PRKAR1B: variants seen among roughly 807,000 people sequenced by gnomAD.
PRKAR1B encodes the protein cAMP-dependent protein kinase type I-beta regulatory subunit.
A neutral mutation model predicts 46.5 loss-of-function variants in PRKAR1B; 22 were observed. The observed-to-expected ratio is 0.47, with a 90% CI of 0.34 to 0.68. The LOEUF (loss-of-function observed/expected upper bound fraction) is 0.68, where lower values mean the gene tolerates loss of function less well. PRKAR1B is among the 30% of genes least tolerant of loss of function. The probability of loss-of-function intolerance (pLI) is 0.01; values close to 1 mark genes in which losing one functional copy is unlikely to be tolerated. For missense variants in PRKAR1B, 445 were observed against 535.6 expected (o/e 0.83, Z 1.67); for synonymous variants, 259 against 217.7 (o/e 1.19, Z -1.67).
At chr7:693,416 C>T (rs1316455506) in intron 2 of PRKAR1B, among the ~76,000 whole-genome samples, 1 of 152,090 alleles carries the variant, frequency 6.6e-6, no homozygotes, top group African/African-American at 2.4e-5. Context: ...CCCCGACACC[C>T]GCCCCAGCCC....
At chr7:649,971 C>G (rs1433362220) in intron 4 of PRKAR1B, among the ~76,000 whole-genome samples, 3 of 150,856 alleles carry the variant, frequency 2.0e-5, no homozygotes, top group Non-Finnish European at 2.9e-5. Context: ...AGCCACCAGG[C>G]CCAGCTAATT....
rs375680338 is a variant in PRKAR1B, at chr7:552,359, C to G, written c.892-889G>C. 4.9e-3 allele frequency among the ~76,000 whole-genome samples: 545 copies of G among 111,552 alleles called. 4 individuals carry two copies. Among genetic ancestry groups the G allele is most frequent in the East Asian group, 7.1e-3 (23 of 3,234 alleles). 73.2% of individuals were successfully genotyped at this position (111,552 alleles called of 152,430 possible). On this transcript the variant is annotated intron_variant, in intron 9 of 10. Coordinates refer to ENST00000537384, the MANE Select transcript of PRKAR1B (RefSeq NM_001164760.2). ...GCCACTGCCACCACCACGTCACCAC[C>G]CAAACCCCCACCTCCCGCCCGGGTC...
intron 9 of PRKAR1B, among the ~76,000 whole-genome samples, chr7:562,867 G>C (rs1778889458): frequency 6.6e-6 from 1 of 152,198 alleles, no homozygotes; most frequent in Non-Finnish European, 1.5e-5. Flanking sequence ...CCCCAGCTGA[G>C]ATGCCCAGAC....
At chr7:676,666 CT>C (rs1031595116) in intron 4 of PRKAR1B, among the ~76,000 whole-genome samples, 16 of 152,256 alleles carry the variant, frequency 1.1e-4, no homozygotes, top group African/African-American at 3.9e-4. Context: ...GAAGCCACCC[CT>C]GCGTGGTGAG....
At chr7:689,077 A>G (rs962070693) in intron 2 of PRKAR1B, among the ~76,000 whole-genome samples, 10 of 152,234 alleles carry the variant, frequency 6.6e-5, no homozygotes, top group African/African-American at 2.4e-4. Flanking sequence ...AGGAAATAAA[A>G]GACAAAATTG....
intron 3 of PRKAR1B, 148 bp from the exon 4 acceptor site, chr7:677,468 GT>G (rs1332626396): frequency 4.3e-6 from 3 of 702,288 alleles, no homozygotes; most frequent in Non-Finnish European, 7.5e-6. Context: ...TTTCACCACT[GT>G]TTTTTTCTAA....
At chr7:608,456 G>C (rs889218213) in intron 4 of PRKAR1B, 11 of 152,250 alleles carry the variant, frequency 7.2e-5, no homozygotes, top group African/African-American at 2.7e-4. Flanking sequence ...CCTGATTCCA[G>C]GGTCCATAAA....
At chr7:558,728 G>A (rs1778603218) in intron 9 of PRKAR1B, among the ~76,000 whole-genome samples, 1 of 152,066 alleles carries the variant, frequency 6.6e-6, no homozygotes, top group Non-Finnish European at 1.5e-5. Flanking sequence ...CTCCAGCCTG[G>A]GCAACAAGAG....
At chr7:660,115 C>T (rs1165401092) in intron 4 of PRKAR1B, among the ~76,000 whole-genome samples, 1 of 151,966 alleles carries the variant, frequency 6.6e-6, no homozygotes, top group African/African-American at 2.4e-5. Context: ...AGCGACTCCC[C>T]TCCCCAGGAC....
At chr7:653,795 G>C (rs1205608054) in intron 4 of PRKAR1B, among the ~76,000 whole-genome samples, 1 of 152,072 alleles carries the variant, frequency 6.6e-6, no homozygotes, top group Non-Finnish European at 1.5e-5. Flanking sequence ...ACTTAATGTG[G>C]TGTTATAACT....
In PRKAR1B at chr7:605,146, C is replaced by T. The variant is rs535987449; in HGVS notation, c.549+1047G>A. Among the ~76,000 whole-genome samples, 18 of 152,314 alleles carry T rather than the reference C, an allele frequency of 1.2e-4. No individual in the cohort carries two copies. The South Asian group carries it at 1.9e-3, about 16-fold the overall frequency. ...GAGAAGCAGGAGCTAACGGGGTTCC[C>T]GGCAGAGCAGGGGACACACACCAAG... On this transcript the variant is annotated intron_variant, in intron 6 of 10. Transcript: ENST00000537384.
chr7:559,469 C>T (rs982732694), intron 9 of PRKAR1B, among the ~76,000 whole-genome samples: 1 of 152,122 alleles, frequency 6.6e-6, no homozygotes, highest in Non-Finnish European at 1.5e-5. Flanking sequence ...TCCCCATGCC[C>T]GGCAGGAGCC....
At chr7:570,208 T>C (rs1779416722) in intron 9 of PRKAR1B, among the ~76,000 whole-genome samples, 1 of 152,148 alleles carries the variant, frequency 6.6e-6, no homozygotes, top group African/African-American at 2.4e-5. Flanking sequence ...CACAGGCACA[T>C]ACTCCTAGGC....
In PRKAR1B at chr7:727,255, T is replaced by A; in HGVS notation, c.-68A>T. On this transcript the variant is annotated 5_prime_UTR_variant, in exon 1 of 11. In the 5' UTR this introduces an upstream ATG that the reference lacks. Transcript: ENST00000537384. Reference sequence around the variant, plus strand: ...GCTGCGCTGCTCCCTGCTCGACCCCTTCGCCGCCGTGCGCCGCGAGAGCTG... The same window carrying A: ...GCTGCGCTGCTCCCTGCTCGACCCCATCGCCGCCGTGCGCCGCGAGAGCTG... The A allele has an allele frequency of 7.5e-7, 1 of 1,336,740 alleles. No individual in the cohort carries two copies. Among genetic ancestry groups the A allele is most frequent in the Admixed American group, 3.7e-5 (1 of 26,886 alleles). The allele number at this position is 1,336,740 out of a possible 1,614,324, so 82.8% of individuals were successfully genotyped here. A position where few individuals can be genotyped will look rare whatever the true frequency, so the allele number is the denominator to read the frequency against.
chr7:557,324 C>T (rs543657453), intron 9 of PRKAR1B, among the ~76,000 whole-genome samples: 19 of 152,242 alleles, frequency 1.2e-4, no homozygotes, highest in Non-Finnish European at 2.5e-4. Context: ...ATGGGACAGA[C>T]ACCCACCCAC....
intron 8 of PRKAR1B, among the ~76,000 whole-genome samples, chr7:581,113 C>G (rs190250822): frequency 6.6e-6 from 1 of 152,126 alleles, no homozygotes; most frequent in Non-Finnish European, 1.5e-5. Flanking sequence ...ACCATCCTGG[C>G]TAACACGGTG....
rs149615380 is a variant in PRKAR1B at position 713,482 on chromosome 7, C to G, written c.-22-1955G>C. Among the ~76,000 whole-genome samples the G allele has an allele frequency of 4.2e-4, 64 of 152,170 alleles. 1 individual carries two copies. The highest frequency in any genetic ancestry group is 1.5e-3 in the African/African-American group (64 of 41,508). The stretch of plus-strand genomic sequence containing the variant: ...ACCCGTACACACCATCTCCCACTCA[C>G]CCGTCTCTTGCTCACCTTTTCCACA... On this transcript the variant is annotated intron_variant, in intron 1 of 10. Transcript: ENST00000537384.
intron 6 of PRKAR1B, among the ~76,000 whole-genome samples, chr7:601,016 C>T (rs1781558912): frequency 6.6e-6 from 1 of 152,220 alleles, no homozygotes; most frequent in Non-Finnish European, 1.5e-5. Context: ...CCTGGCCGTC[C>T]CCCTGGACGC....
At chr7:659,809 C>T (rs1785411007) in intron 4 of PRKAR1B, among the ~76,000 whole-genome samples, 1 of 152,116 alleles carries the variant, frequency 6.6e-6, no homozygotes, top group Non-Finnish European at 1.5e-5. Flanking sequence ...CGGGCTTAAG[C>T]GACCTGCCAC....
Sources: gnomAD v4.1 joint callset for allele counts (sites outside exome capture counted in the v4.1 genomes callset) on GRCh38, gnomAD v4.1.1 for gene constraint, MANE v1.5 for transcripts, NCBI Gene and HGNC (gene_info 2026-07-23, HGNC 2026-07-21) for gene names.